The following BEAN1 variants were observed in gnomAD, a reference collection of about 807,000 sequenced individuals.
The protein encoded by BEAN1 is brain expressed associated with NEDD4 1, also known as protein BEAN1.
A neutral mutation model predicts 17.7 loss-of-function variants in BEAN1; 17 were observed. That is an observed-to-expected ratio of 0.96 (90% confidence interval 0.66 to 1.44). The LOEUF is 1.44. BEAN1 is among the 40% of genes most tolerant of loss of function. The pLI is 0.00. For missense variants in BEAN1, 359 were observed against 374.1 expected, an observed-to-expected ratio of 0.96 and a Z score of 0.33; for synonymous variants, 142 against 151.8, an observed-to-expected ratio of 0.94 and a Z score of 0.47.
In BEAN1 at chr16:66,482,581, G is replaced by T; in HGVS notation, c.*1656G>T. 1 of 336,568 alleles carries T rather than the reference G, an allele frequency of 3.0e-6. No homozygotes were observed. Among genetic ancestry groups the T allele is most frequent in the Non-Finnish European group, 5.8e-6 (1 of 173,834 alleles). The allele number at this position is 336,568 out of a possible 1,614,324, so 20.8% of individuals were successfully genotyped here. A position where few individuals can be genotyped will look rare whatever the true frequency, so the allele number is the denominator to read the frequency against. On this transcript the variant is annotated 3_prime_UTR_variant, in exon 5 of 5. Transcript: ENST00000536005. ...TCTAGGCAAAAAATATCTGTCTGTT[G>T]TACTGTATAGCCTTTAAAATGCAGT...
At chr16:66,460,627 C>T (rs1963047093) in intron 2 of BEAN1, among the ~76,000 whole-genome samples, 1 of 152,210 alleles carries the variant, frequency 6.6e-6, no homozygotes. Flanking sequence ...GTTGATACAC[C>T]TTCATCCTGA....
chr16:66,467,996 T>A (rs1233413783), intron 2 of BEAN1, among the ~76,000 whole-genome samples: 1 of 152,068 alleles, frequency 6.6e-6, no homozygotes, highest in Non-Finnish European at 1.5e-5. Context: ...GCTAGAAAGG[T>A]ATGGGAAGGA....
At chr16:66,450,912 G>GC in intron 2 of BEAN1, 1 of 152,178 alleles carries the variant, frequency 6.6e-6, no homozygotes, top group East Asian at 1.9e-4. Context: ...AGCTGCTGTG[G>GC]CTTGCATATT....
At chr16:66,469,974 GA>G (rs2142433553) in intron 3 of BEAN1, 109 bp downstream of exon 3, 1 of 1,397,518 alleles carries the variant, frequency 7.2e-7, no homozygotes, top group African/African-American at 1.4e-5. Flanking sequence ...GGGTGGTCGG[GA>G]AAGCATCCTA....
In BEAN1 at chr16:66,471,583, G is replaced by A. The variant is rs1347922468; in HGVS notation, c.289+1718G>A. ...GGGAAAGCTGTTAGGAGAATCAGAA[G>A]AGCAGGAGGCTGGACCTTGTGTAAG... On this transcript the variant is annotated intron_variant, in intron 3 of 4. Coordinates refer to ENST00000536005, the MANE Select transcript of BEAN1 (RefSeq NM_001178020.3). This position sits in a 1 kb window ranked among gnomAD's most constrained non-coding sequence, Gnocchi z 4.7. 6.6e-6 allele frequency among the ~76,000 whole-genome samples: 1 copy of A among 152,264 alleles called. No individual in the cohort carries two copies. The highest frequency in any genetic ancestry group is 1.9e-4 in the East Asian group (1 of 5,200).
In BEAN1 at chr16:66,471,452, T is replaced by A. The variant is rs1480956442; in HGVS notation, c.289+1587T>A. Among the ~76,000 whole-genome samples the A allele has an allele frequency of 1.3e-5, 2 of 152,114 alleles. No homozygotes were observed. The highest frequency in any genetic ancestry group is 4.8e-5 in the African/African-American group (2 of 41,420). On this transcript the variant is annotated intron_variant, in intron 3 of 4. Coordinates refer to ENST00000536005, the MANE Select transcript of BEAN1 (RefSeq NM_001178020.3). The surrounding 1 kb of genome is among the most constrained non-coding windows in gnomAD (Gnocchi z 4.7). ...CACTGCCCAGGAAGGGAGCTGGAGG[T>A]GTCGGGGAGACGCCCCTGGGAGCCG...
chr16:66,459,539 T>C (rs1963003436), intron 2 of BEAN1, among the ~76,000 whole-genome samples: 1 of 152,106 alleles, frequency 6.6e-6, no homozygotes, highest in Non-Finnish European at 1.5e-5. Context: ...CAGGCTGATC[T>C]CAAACTCCTG....
At chr16:66,493,825 G>T (rs1238991661), downstream of BEAN1, among the ~76,000 whole-genome samples, 1 of 152,226 alleles carries the variant, frequency 6.6e-6, no homozygotes, top group Non-Finnish European at 1.5e-5. Flanking sequence ...AGAGGAATGA[G>T]CTCTGTGAGT....
At chr16:66,435,893 G>A (rs1183200335) in intron 1 of BEAN1, among the ~76,000 whole-genome samples, 1 of 152,108 alleles carries the variant, frequency 6.6e-6, no homozygotes, top group Non-Finnish European at 1.5e-5. Flanking sequence ...CCAATTCTTG[G>A]CAGTGTTTTG....
At chr16:66,461,654 C>T (rs1015266597) in intron 2 of BEAN1, among the ~76,000 whole-genome samples, 2 of 151,802 alleles carry the variant, frequency 1.3e-5, no homozygotes, top group African/African-American at 4.8e-5. Flanking sequence ...AATCTAAGCA[C>T]CTGCAACCCT....
Position 66,428,729 on chromosome 16 carries a change from CAGGTGTCCTG to C in BEAN1, c.-83+1307_-83+1316del, listed in dbSNP as rs747060031. Among the ~76,000 whole-genome samples the C allele has an allele frequency of 4.1e-4, 63 of 152,136 alleles. 1 individual carries two copies. The highest frequency in any genetic ancestry group is 4.1e-3 in the Admixed American group (63 of 15,286). On this transcript the variant is annotated intron_variant, in intron 1 of 4. Coordinates refer to ENST00000536005, the MANE Select transcript of BEAN1 (RefSeq NM_001178020.3). ...GCCAGTGGCCAATTGTGGTGGGCTA[CAGGTGTCCTG>C]AGGTGTCCAGCACCAGTAGATGCTG...
chr16:66,443,941 G>A (rs1962350191), intron 2 of BEAN1, among the ~76,000 whole-genome samples: 1 of 152,174 alleles, frequency 6.6e-6, no homozygotes, highest in East Asian at 1.9e-4. Flanking sequence ...CTCCCAAAGT[G>A]CTGGGATTAC....
chr16:66,457,332 C>A (rs554312970), intron 2 of BEAN1, among the ~76,000 whole-genome samples: 1 of 152,068 alleles, frequency 6.6e-6, no homozygotes, highest in Non-Finnish European at 1.5e-5. Flanking sequence ...GATTTGCTGG[C>A]TGGGTGAATT....
chr16:66,474,618 A>AAGGAAGGGAGGAAGGGAGGGAAGG (rs1567505268), intron 3 of BEAN1, among the ~76,000 whole-genome samples: 1 of 5,810 alleles, frequency 1.7e-4, no homozygotes, highest in African/African-American at 5.5e-4. Context: ...GGGAGGGAGG[A>AAGGAAGGGAGGAAGGGAGGGAAGG]AGGGAGGGAG....
intron 2 of BEAN1, among the ~76,000 whole-genome samples, chr16:66,458,667 T>C (rs1567495350): frequency 6.7e-6 from 1 of 148,238 alleles, no homozygotes; most frequent in Non-Finnish European, 1.5e-5. Flanking sequence ...AAACCCCAGC[T>C]CTGCCACAAA....
chr16:66,478,002 C>T (rs74962019), intron 4 of BEAN1: 8,034 of 269,176 alleles, frequency 0.03, 164 homozygotes, highest in Non-Finnish European at 0.041. Context: ...GGGGAGGTTC[C>T]GTGGCAGCTG....
downstream of BEAN1, chr16:66,482,841 C>T (rs929638419): frequency 4.4e-6 from 2 of 455,740 alleles, no homozygotes; most frequent in South Asian, 1.6e-5. Context: ...TCAGAGAGTG[C>T]ATAAGGTTCC....
At chr16:66,467,515 C>A (rs1032657981) in intron 2 of BEAN1, among the ~76,000 whole-genome samples, 1 of 152,056 alleles carries the variant, frequency 6.6e-6, no homozygotes, top group African/African-American at 2.4e-5. Context: ...AGAAACTGCC[C>A]CCAAGATTCA....
chr16:66,478,462 C>T lies in BEAN1; in HGVS notation c.440+752C>T, dbSNP rs189307290. Among the ~76,000 whole-genome samples the T allele has an allele frequency of 4.0e-4, 61 of 152,140 alleles. 1 individual carries two copies. The highest frequency in any genetic ancestry group is 1.1e-3 in the African/African-American group (44 of 41,522). On this transcript the variant is annotated intron_variant, in intron 4 of 4. Transcript: ENST00000536005. ...CTAAAAATACAAAAAATTCGCCGGG[C>T]GTGGTGGCGGGCGCCTGTAGTCCCA... is the stretch of plus-strand genomic sequence containing the variant.
Sources: allele counts gnomAD v4.1 joint callset (sites outside exome capture counted in the v4.1 genomes callset), GRCh38; gene constraint gnomAD v4.1.1; non-coding constraint Gnocchi (gnomAD v3.1); transcripts MANE v1.5; gene names NCBI Gene and HGNC (gene_info 2026-07-23, HGNC 2026-07-21).